RELN: variants seen among roughly 807,000 people sequenced by gnomAD.
RELN encodes reelin.
RELN carries 108 observed loss-of-function variants against 427.6 expected under a neutral mutation model. The ratio of observed to expected loss-of-function variants is 0.25; its 90% CI spans 0.22 to 0.30. RELN has a LOEUF of 0.30. Among genes scored for constraint, RELN ranks in the 10% least tolerant of loss-of-function variants. RELN has a pLI of 1.00. For synonymous variants in RELN, 1,524 were observed against 1,513.4 expected, an observed-to-expected ratio of 1.01 and a Z score of -0.16; for missense variants, 3,715 against 4,302.8, an observed-to-expected ratio of 0.86 and a Z score of 3.82.
chr7:103,657,091 T>C (rs1833037413), intron 12 of RELN, among the ~76,000 whole-genome samples: 1 of 152,092 alleles, frequency 6.6e-6, no homozygotes, highest in Non-Finnish European at 1.5e-5. Context: ...TAATTTGGCA[T>C]ATAATAAATA....
At chr7:103,889,424 C>T (rs993026405) in intron 2 of RELN, among the ~76,000 whole-genome samples, 8 of 152,134 alleles carry the variant, frequency 5.3e-5, no homozygotes, top group African/African-American at 1.9e-4. Context: ...GTGTAACTTA[C>T]GAGTTAAAGT....
At chr7:103,655,779 T>G (rs930149515) in intron 12 of RELN, among the ~76,000 whole-genome samples, 8 of 152,108 alleles carry the variant, frequency 5.3e-5, no homozygotes, top group African/African-American at 1.9e-4. Context: ...AAGGCAAATC[T>G]TGAGGATTCA....
intron 36 of RELN, among the ~76,000 whole-genome samples, chr7:103,559,340 G>T (rs552984288): frequency 1.3e-5 from 2 of 152,306 alleles, no homozygotes; most frequent in African/African-American, 4.8e-5. Flanking sequence ...ATTTGATATT[G>T]TAATGAAAAC....
intron 8 of RELN, among the ~76,000 whole-genome samples, chr7:103,708,782 C>T (rs995381373): frequency 1.3e-5 from 2 of 152,126 alleles, no homozygotes; most frequent in African/African-American, 4.8e-5. Flanking sequence ...GCTGGGTTAA[C>T]TCTCTTACAC....
intron 4 of RELN, among the ~76,000 whole-genome samples, chr7:103,767,649 T>C (rs1021290024): frequency 6.6e-6 from 1 of 152,206 alleles, no homozygotes; most frequent in Non-Finnish European, 1.5e-5. Flanking sequence ...TTTCTCCTAG[T>C]TCCTTTCAAG....
At position 103,575,705 on chromosome 7, in the gene RELN, G is replaced by A; in HGVS notation, c.4146C>T (p.Ser1382=). Residue 1382 remains serine (S), a splice_region_variant and synonymous_variant, in exon 29 of 65, where the codon AGC becomes AGT. Coordinates refer to ENST00000428762, the MANE Select transcript of RELN (RefSeq NM_005045.4). ...TIVIPRSLAS[S]KTRFRWIQES... is the part of the protein sequence containing the mutation. ...CCTGGATCCATCGGAATCTGGTCTT[G>A]CTGTTGGGAAAAACAACACACCTGT... 1.2e-6 allele frequency: 2 copies of A among 1,614,070 alleles called. No homozygotes were observed. Among genetic ancestry groups the A allele is most frequent in the Non-Finnish European group, 1.7e-6 (2 of 1,179,986 alleles).
chr7:103,934,838 A>T (rs1056542633), intron 1 of RELN, among the ~76,000 whole-genome samples: 1 of 152,212 alleles, frequency 6.6e-6, no homozygotes, highest in African/African-American at 2.4e-5. Context: ...GAATAAGAAG[A>T]ATGTTCACCT....
At chr7:103,628,103 A>C (rs1197266090) in intron 20 of RELN, 1 of 152,236 alleles carries the variant, frequency 6.6e-6, no homozygotes, top group Non-Finnish European at 1.5e-5. Flanking sequence ...TTTACGGTAC[A>C]TGATCAGTTT....
chr7:103,835,419 G>C (rs1793376232), intron 2 of RELN, among the ~76,000 whole-genome samples: 2 of 152,138 alleles, frequency 1.3e-5, no homozygotes, highest in African/African-American at 4.8e-5. Context: ...CACACCAAGA[G>C]TGAACCCTAC....
rs56255035 is a variant in RELN, at chr7:103,698,349, T to C, written c.903-256A>G. 9.4e-3 allele frequency among the ~76,000 whole-genome samples: 1,438 copies of C among 152,224 alleles called. 9 individuals are homozygous for C. Among genetic ancestry groups the C allele is most frequent in the Admixed American group, 0.011 (173 of 15,278 alleles). On this transcript the variant is annotated intron_variant, in intron 9 of 64. Coordinates refer to ENST00000428762, the MANE Select transcript of RELN (RefSeq NM_005045.4). ...GAAAACAAGTCAGGCACTAAGTATG[T>C]TCAAATAAGTCAGTAAAGGAAAAAT...
intron 38 of RELN, among the ~76,000 whole-genome samples, chr7:103,556,209 A>G (rs1830516654): frequency 6.6e-6 from 1 of 152,200 alleles, no homozygotes; most frequent in Admixed American, 6.5e-5. Context: ...TCACTTCGTC[A>G]TGGCATTTTG....
chr7:103,658,237 C>G (rs1296142494), intron 12 of RELN, among the ~76,000 whole-genome samples: 1 of 151,994 alleles, frequency 6.6e-6, no homozygotes, highest in African/African-American at 2.4e-5. Context: ...AGCAAGTTTT[C>G]CAGAAATATG....
At chr7:103,728,967 T>C (rs965072646) in intron 6 of RELN, among the ~76,000 whole-genome samples, 4 of 152,202 alleles carry the variant, frequency 2.6e-5, no homozygotes, top group African/African-American at 9.6e-5. Context: ...TATTAAAATC[T>C]TAGGACAGGA....
chr7:103,831,785 A>C (rs1175861954), intron 3 of RELN, among the ~76,000 whole-genome samples: 3 of 152,140 alleles, frequency 2.0e-5, no homozygotes, highest in Non-Finnish European at 4.4e-5. Flanking sequence ...CTTCAAACCT[A>C]TATCAAAGGT....
rs940449989 is a variant in RELN at position 103,848,811 on chromosome 7, A to G, written c.338-15139T>C. On this transcript the variant is annotated intron_variant, in intron 2 of 64. Coordinates refer to ENST00000428762, the MANE Select transcript of RELN (RefSeq NM_005045.4). Reference sequence around the variant, plus strand: ...AATCTACAAAATTTTGGACTTCTTGATCCAAAAGTAGCTAAAATAACTGAT... The same window carrying G: ...AATCTACAAAATTTTGGACTTCTTGGTCCAAAAGTAGCTAAAATAACTGAT... Among the ~76,000 whole-genome samples the G allele has an allele frequency of 2.3e-4, 35 of 152,322 alleles. 1 individual carries two copies. The highest frequency in any genetic ancestry group is 8.2e-4 in the African/African-American group (34 of 41,570).
intron 3 of RELN, among the ~76,000 whole-genome samples, chr7:103,802,422 A>T (rs2116314972): frequency 6.6e-6 from 1 of 152,268 alleles, no homozygotes; most frequent in South Asian, 2.1e-4. Context: ...AGTTAAAAGG[A>T]TTATTACTGT....
chr7:103,651,596 C>T, intron 15 of RELN, 65 bp downstream of exon 15: 1 of 1,510,238 alleles, frequency 6.6e-7, no homozygotes, highest in South Asian at 1.1e-5. Context: ...TTCAGGATAA[C>T]TCATTGATTT....
chr7:103,619,876 T>TTGTGTG lies in RELN; in HGVS notation c.2703-8079_2703-8074dup, dbSNP rs372160818. Among the ~76,000 whole-genome samples the TTGTGTG allele has an allele frequency of 3.5e-3, 521 of 150,768 alleles. 5 individuals are homozygous for TTGTGTG. The highest frequency in any genetic ancestry group is 0.012 in the African/African-American group (500 of 41,174). On this transcript the variant is annotated intron_variant, in intron 20 of 64. Transcript: ENST00000428762. Reference sequence around the variant, plus strand: ...AGTAAGAGTGTGTGTATATGTGTGTTTGTGTGTGTGTGTGTGTGTTTGTAG... The same window carrying TTGTGTG: ...AGTAAGAGTGTGTGTATATGTGTGTTTGTGTGTGTGTGTGTGTGTGTGTGTTTGTAG...
intron 1 of RELN, among the ~76,000 whole-genome samples, chr7:103,963,847 G>T (rs1284675640): frequency 7.2e-5 from 11 of 152,164 alleles, no homozygotes; most frequent in Admixed American, 7.2e-4. Context: ...ACAAGTTGCA[G>T]ATAGAGGACT....
Sources: gnomAD v4.1 joint callset for allele counts (sites outside exome capture counted in the v4.1 genomes callset) on GRCh38, gnomAD v4.1.1 for gene constraint, MANE v1.5 for transcripts, NCBI Gene and HGNC (gene_info 2026-07-23, HGNC 2026-07-21) for gene names.